NOXRED1: variants seen among roughly 807,000 people sequenced by gnomAD.
NOXRED1 encodes NADP-dependent oxidoreductase domain-containing protein 1.
Under a neutral mutation model 30.4 loss-of-function variants are expected in NOXRED1, and 20 were observed. The observed-to-expected ratio is 0.66, with a 90% CI of 0.46 to 0.96. NOXRED1 has a LOEUF of 0.96. NOXRED1 is among the 40% of genes least tolerant of loss of function. The pLI is 0.00. For missense variants in NOXRED1, 374 were observed against 428.0 expected, an observed-to-expected ratio of 0.87 and a Z score of 1.11; for synonymous variants, 155 against 168.0, an observed-to-expected ratio of 0.92 and a Z score of 0.60.
At chr14:77,415,765 T>C (rs1182488214) in intron 1 of NOXRED1, among the ~76,000 whole-genome samples, 1 of 151,192 alleles carries the variant, frequency 6.6e-6, no homozygotes, top group African/African-American at 2.4e-5. Flanking sequence ...GCTGGAGTGC[T>C]GCGGCACAAT....
At chr14:77,399,575 T>C (rs1894271297) in intron 5 of NOXRED1, among the ~76,000 whole-genome samples, 3 of 152,180 alleles carry the variant, frequency 2.0e-5, no homozygotes, top group East Asian at 1.9e-4. Flanking sequence ...AAAAACACTG[T>C]GACAGATATG....
chr14:77,394,351 A>T lies in NOXRED1; in HGVS notation c.*280T>A. 4.0e-6 allele frequency: 1 copy of T among 249,926 alleles called. No individual in the cohort carries two copies. 15.5% of individuals were successfully genotyped at this position (249,926 alleles called of 1,614,324 possible). ...ACTTCTTTAATTTTAGAAGAGAAAT[A>T]ATTTGTATTAACAAGACTTTTCTGC... On this transcript the variant is annotated 3_prime_UTR_variant, in exon 6 of 6. Transcript: ENST00000380835.
At chr14:77,395,627 C>A (rs1404060965) in intron 5 of NOXRED1, among the ~76,000 whole-genome samples, 1 of 151,720 alleles carries the variant, frequency 6.6e-6, no homozygotes, top group Non-Finnish European at 1.5e-5. Context: ...CATAATGAGA[C>A]CTCATCTGTA....
intron 2 of NOXRED1, among the ~76,000 whole-genome samples, chr14:77,411,021 A>G (rs993146064): frequency 6.6e-6 from 1 of 152,218 alleles, no homozygotes; most frequent in Non-Finnish European, 1.5e-5. Context: ...GTAGTTGCCT[A>G]CATGAACACT....
intron 5 of NOXRED1, among the ~76,000 whole-genome samples, chr14:77,399,071 CA>C (rs1894257447): frequency 1.3e-5 from 2 of 152,036 alleles, no homozygotes; most frequent in South Asian, 4.1e-4. Context: ...AGCCAAAAAA[CA>C]AAAAACCACC....
Position 77,394,752 on chromosome 14 carries a change from C to G in NOXRED1, c.959G>C (p.Ser320Thr), listed in dbSNP as rs576617897. 1.9e-6 allele frequency: 3 copies of G among 1,613,706 alleles called. No individual in the cohort carries two copies. The South Asian group carries it at 3.3e-5, about 18-fold the overall frequency. The stretch of plus-strand genomic sequence containing the variant: ...AACAGGACTACTTGAGAGATGCTGG[C>G]TAAACGGAGTTTCCTTGAGTTGCAC... Reference protein sequence around the residue: ...TAVQLKETPFSQHLSSSPVLQ... With the variant: ...TAVQLKETPFTQHLSSSPVLQ... Residue 320 changes from serine to threonine, a missense_variant, in exon 6 of 6, where the codon AGC (serine) becomes ACC (threonine). Physicochemically the swap from Ser to Thr is moderately conservative, Grantham distance 58. Transcript: ENST00000380835.
At chr14:77,395,398 G>A (rs1028696290) in intron 5 of NOXRED1, among the ~76,000 whole-genome samples, 20 of 151,988 alleles carry the variant, frequency 1.3e-4, no homozygotes, top group African/African-American at 3.1e-4. Flanking sequence ...GAGCCACTGC[G>A]CCCGGCTGCA....
At chr14:77,402,975 C>T (rs1894367378) in intron 5 of NOXRED1, among the ~76,000 whole-genome samples, 1 of 151,756 alleles carries the variant, frequency 6.6e-6, no homozygotes, top group African/African-American at 2.4e-5. Flanking sequence ...GCAGAGATCG[C>T]AGTGAGCCGA....
At chr14:77,396,052 TA>T (rs11320351) in intron 5 of NOXRED1, among the ~76,000 whole-genome samples, 6,477 of 149,266 alleles carry the variant, frequency 0.043, 482 homozygotes, top group African/African-American at 0.15. Context: ...CCCTGTCTGT[TA>T]AAAAAAAAAT....
intron 5 of NOXRED1, among the ~76,000 whole-genome samples, chr14:77,397,608 T>C (rs1339352617): frequency 6.6e-6 from 1 of 152,158 alleles, no homozygotes; most frequent in Non-Finnish European, 1.5e-5. Context: ...TTATCTTGGC[T>C]GGGTGCGGTG....
At chr14:77,404,002 C>T (rs1894393244) in intron 5 of NOXRED1, among the ~76,000 whole-genome samples, 1 of 152,124 alleles carries the variant, frequency 6.6e-6, no homozygotes, top group Non-Finnish European at 1.5e-5. Flanking sequence ...GATGCAATCC[C>T]TCAAAATTTT....
intron 5 of NOXRED1, among the ~76,000 whole-genome samples, chr14:77,404,597 G>A (rs542375593): frequency 6.6e-5 from 10 of 152,200 alleles, no homozygotes; most frequent in African/African-American, 1.9e-4. Flanking sequence ...AAAGATCACC[G>A]GGAACAAAGT....
chr14:77,424,948 G>A (rs1240960029), upstream of NOXRED1, among the ~76,000 whole-genome samples: 1 of 152,194 alleles, frequency 6.6e-6, no homozygotes, highest in Non-Finnish European at 1.5e-5. Context: ...TGAGTACCTT[G>A]TTGGTGAGGG....
rs758528801 is a variant in NOXRED1 at position 77,422,845 on chromosome 14, C to T, written c.45G>A (p.Gly15=). 1 of 1,613,886 alleles carries T rather than the reference C, an allele frequency of 6.2e-7. No homozygotes were observed. Among genetic ancestry groups the T allele is most frequent in the Non-Finnish European group, 8.5e-7 (1 of 1,179,862 alleles). Residue 15 remains glycine (G), a synonymous_variant, in exon 1 of 6, where the codon GGG becomes GGA. Coordinates refer to ENST00000380835, the MANE Select transcript of NOXRED1 (RefSeq NM_001113475.3). The part of the protein sequence containing the change: ...QDLESLQFEY[G]VPEEDRIWLY... ...GCCAGATACGATCTTCCTCTGGAAC[C>T]CCATACTCAAACTGCAGGGACTCAA...
chr14:77,397,347 T>G (rs1296255084), intron 5 of NOXRED1, among the ~76,000 whole-genome samples: 1 of 152,176 alleles, frequency 6.6e-6, no homozygotes, highest in Admixed American at 6.6e-5. Flanking sequence ...GACAAAATTA[T>G]AGGAATGAAG....
At position 77,406,023 on chromosome 14, in the gene NOXRED1, G is replaced by A; in HGVS notation, c.795C>T (p.Leu265=). The change falls in exon 5 of 6, where the codon CTC becomes CTT. Residue 265 remains leucine (L), a synonymous_variant. Coordinates refer to ENST00000380835, the MANE Select transcript of NOXRED1 (RefSeq NM_001113475.3). The stretch of plus-strand genomic sequence containing the variant: ...AGTCTTCAAAGTGCACGGAGAGAAA[G>A]AGTTCACTCAGAAGCTGCAGCACTT... ...HSQVLQLLSE[L]FLSVHFEDCG... 1.2e-6 allele frequency: 2 copies of A among 1,613,598 alleles called. No homozygotes were observed. The highest frequency in any genetic ancestry group is 1.7e-6 in the Non-Finnish European group (2 of 1,179,538).
At chr14:77,408,912 T>TTTTTTTTTTTTG (rs67015918) in intron 2 of NOXRED1, among the ~76,000 whole-genome samples, 15 of 143,346 alleles carry the variant, frequency 1.0e-4, no homozygotes, top group African/African-American at 3.7e-4. Context: ...TTTTTTTTTT[T>TTTTTTTTTTTTG]GGCTAGCGAT....
At chr14:77,421,548 TA>T (rs767212002) in intron 1 of NOXRED1, among the ~76,000 whole-genome samples, 60 of 152,318 alleles carry the variant, frequency 3.9e-4, no homozygotes, top group Non-Finnish European at 7.2e-4. Context: ...AAATGGTTTA[TA>T]AAAACAAAAC....
chr14:77,416,789 G>A (rs71413462), intron 1 of NOXRED1, among the ~76,000 whole-genome samples: 24,075 of 150,336 alleles, frequency 0.16, 1,337 homozygotes, highest in Admixed American at 0.24. Context: ...CCGGGCAGAG[G>A]CGCCCCTCAC....
Sources: allele counts gnomAD v4.1 joint callset (sites outside exome capture counted in the v4.1 genomes callset), GRCh38; gene constraint gnomAD v4.1.1; transcripts MANE v1.5; gene names NCBI Gene and HGNC (gene_info 2026-07-23, HGNC 2026-07-21).